The following TBC1D5 variants were observed in gnomAD, a reference collection of about 807,000 sequenced individuals.
TBC1D5 encodes the protein TBC1 domain family, member 5.
TBC1D5 carries 75 observed loss-of-function variants against 100.3 expected under a neutral mutation model. That is an observed-to-expected ratio of 0.75 (90% confidence interval 0.62 to 0.91). The LOEUF (loss-of-function observed/expected upper bound fraction) is 0.91, where lower values mean the gene tolerates loss of function less well. TBC1D5 is among the 40% of genes least tolerant of loss of function. The probability of loss-of-function intolerance (pLI) is 0.00; values close to 1 mark genes in which losing one functional copy is unlikely to be tolerated. For synonymous variants in TBC1D5, 323 were observed against 325.6 expected (o/e 0.99, Z 0.09); for missense variants, 910 against 942.4 (o/e 0.97, Z 0.45).
At chr3:17,435,834 C>T (rs1439789933) in intron 3 of TBC1D5, among the ~76,000 whole-genome samples, 2 of 152,120 alleles carry the variant, frequency 1.3e-5, no homozygotes, top group Admixed American at 1.3e-4. Context: ...TGTAGAAGGC[C>T]GTGTGTGTGC....
intron 1 of TBC1D5, among the ~76,000 whole-genome samples, chr3:17,709,472 A>G (rs575209643): frequency 6.6e-6 from 1 of 152,348 alleles, no homozygotes; most frequent in Admixed American, 6.5e-5. Context: ...TCAGTTCCCT[A>G]TAAAAATTAA....
At chr3:17,636,510 G>C (rs1439241714) in intron 1 of TBC1D5, among the ~76,000 whole-genome samples, 1 of 152,064 alleles carries the variant, frequency 6.6e-6, no homozygotes, top group African/African-American at 2.4e-5. Flanking sequence ...AAAGAATATA[G>C]GCTGGGCACA....
At chr3:17,458,068 T>C (rs559889737) in intron 3 of TBC1D5, among the ~76,000 whole-genome samples, 32 of 152,342 alleles carry the variant, frequency 2.1e-4, no homozygotes, top group African/African-American at 7.7e-4. Flanking sequence ...CCAAGGTACT[T>C]ATGATCCTAA....
At chr3:17,288,537 A>C (rs1339691059) in intron 15 of TBC1D5, among the ~76,000 whole-genome samples, 1 of 151,880 alleles carries the variant, frequency 6.6e-6, no homozygotes, top group Non-Finnish European at 1.5e-5. Flanking sequence ...GGTTTTTTAC[A>C]CTGTTGTGCC....
chr3:17,659,707 A>G (rs1041637565), intron 1 of TBC1D5, among the ~76,000 whole-genome samples: 5 of 152,108 alleles, frequency 3.3e-5, no homozygotes, highest in African/African-American at 1.2e-4. Context: ...GGGACAGACA[A>G]TTCAAACCTC....
intron 3 of TBC1D5, among the ~76,000 whole-genome samples, chr3:17,492,221 C>A (rs2095648043): frequency 6.6e-6 from 1 of 151,858 alleles, no homozygotes; most frequent in Non-Finnish European, 1.5e-5. Context: ...TTAATTTTTT[C>A]AAAAAACCAG....
At chr3:17,706,523 C>T (rs1272332294) in intron 1 of TBC1D5, among the ~76,000 whole-genome samples, 2 of 152,188 alleles carry the variant, frequency 1.3e-5, no homozygotes, top group South Asian at 2.1e-4. Context: ...GTATCATGTA[C>T]TGTATTATAG....
intron 1 of TBC1D5, among the ~76,000 whole-genome samples, chr3:17,704,148 ATC>A (rs1243150548): frequency 7.0e-6 from 1 of 142,030 alleles, no homozygotes; most frequent in Non-Finnish European, 1.5e-5. Context: ...GCCTTCAAGC[ATC>A]TGTTTAACAA....
chr3:17,606,934 A>G (rs1004354540), intron 2 of TBC1D5, among the ~76,000 whole-genome samples: 4 of 152,324 alleles, frequency 2.6e-5, no homozygotes, highest in South Asian at 2.1e-4. Context: ...GAAAAAAATG[A>G]TAAGAAATGG....
intron 1 of TBC1D5, among the ~76,000 whole-genome samples, chr3:17,732,997 A>G (rs1393384821): frequency 6.6e-6 from 1 of 152,214 alleles, no homozygotes; most frequent in Non-Finnish European, 1.5e-5. Flanking sequence ...TAGAAAGCAT[A>G]TAGTACTCCT....
intron 13 of TBC1D5, among the ~76,000 whole-genome samples, chr3:17,343,785 G>C (rs13079119): frequency 2.0e-5 from 3 of 152,022 alleles, no homozygotes; most frequent in Non-Finnish European, 4.4e-5. Context: ...CTGATGGTAG[G>C]TTGTATTTCT....
chr3:17,367,985 T>A (rs1224479593), intron 13 of TBC1D5, among the ~76,000 whole-genome samples: 1 of 131,402 alleles, frequency 7.6e-6, no homozygotes, highest in Non-Finnish European at 1.7e-5. Flanking sequence ...CTTTAGGATA[T>A]ATTATTTTAT....
At chr3:17,674,618 T>C (rs2068384197) in intron 1 of TBC1D5, among the ~76,000 whole-genome samples, 1 of 152,156 alleles carries the variant, frequency 6.6e-6, no homozygotes, top group African/African-American at 2.4e-5. Context: ...TGTTAAGCAG[T>C]TTTAGGTTCC....
rs148593239 is a variant in TBC1D5, at chr3:17,580,422, T to C, written c.-36+43427A>G. 4.7e-3 allele frequency among the ~76,000 whole-genome samples: 711 copies of C among 152,296 alleles called. 1 individual carries two copies. Among genetic ancestry groups the C allele is most frequent in the African/African-American group, 0.016 (673 of 41,562 alleles). On this transcript the variant is annotated intron_variant, in intron 2 of 21. Coordinates refer to ENST00000253692, the Ensembl canonical transcript of TBC1D5. ...GCAAGTAATCATGATGCTTCTTGTA[T>C]GTAATATATCCTGGAGATAGTACAA...
At chr3:17,722,687 C>G (rs2075799949) in intron 1 of TBC1D5, among the ~76,000 whole-genome samples, 1 of 152,210 alleles carries the variant, frequency 6.6e-6, no homozygotes, top group African/African-American at 2.4e-5. Context: ...GCAAGGTAGT[C>G]GTTATCCCCA....
At chr3:17,339,596 G>A (rs1186476853) in intron 13 of TBC1D5, among the ~76,000 whole-genome samples, 72 of 152,180 alleles carry the variant, frequency 4.7e-4, no homozygotes, top group Non-Finnish European at 1.0e-4. Flanking sequence ...CCCATGGTCA[G>A]TAATTAAGAG....
chr3:17,569,528 A>G (rs145100605), intron 2 of TBC1D5, among the ~76,000 whole-genome samples: 65 of 151,886 alleles, frequency 4.3e-4, no homozygotes, highest in African/African-American at 1.5e-3. Flanking sequence ...ATTTGAATTT[A>G]ATTTTAAATA....
chr3:17,639,525 A>G (rs370158614), intron 1 of TBC1D5, among the ~76,000 whole-genome samples: 1 of 152,038 alleles, frequency 6.6e-6, no homozygotes, highest in Admixed American at 6.6e-5. Flanking sequence ...CTTTTGCACG[A>G]GCACAAACTA....
chr3:17,400,571 T>C (rs1216984233), intron 8 of TBC1D5, among the ~76,000 whole-genome samples: 1 of 152,060 alleles, frequency 6.6e-6, no homozygotes, highest in East Asian at 1.9e-4. Context: ...ATGGTTAATA[T>C]TGAGTGTCAA....
Sources: allele counts gnomAD v4.1 joint callset (sites outside exome capture counted in the v4.1 genomes callset), GRCh38; gene constraint gnomAD v4.1.1; transcripts MANE v1.5; gene names NCBI Gene and HGNC (gene_info 2026-07-23, HGNC 2026-07-21).